CELF2: variants seen among roughly 807,000 people sequenced by gnomAD.
The protein encoded by CELF2 is CUG triplet repeat RNA-binding protein 2.
Under a neutral mutation model 62.6 loss-of-function variants are expected in CELF2, and 8 were observed. That is an observed-to-expected ratio of 0.13 (90% CI 0.07 to 0.23). The LOEUF is 0.23. Ranked by LOEUF, CELF2 falls within the 10% of genes least tolerant of loss-of-function variation. CELF2 has a pLI of 1.00. For missense variants in CELF2, 333 were observed against 671.0 expected (o/e 0.50, Z 5.56); for synonymous variants, 258 against 250.0 (o/e 1.03, Z -0.30).
the CELF2 span, among the ~76,000 whole-genome samples, chr10:10,516,888 T>A: frequency 6.6e-6 from 1 of 152,196 alleles, no homozygotes; most frequent in Admixed American, 6.5e-5. Flanking sequence ...GCTGTCTTCA[T>A]TCCCCATGGA....
At chr10:10,980,238 T>A (rs376460899) in intron 2 of CELF2, among the ~76,000 whole-genome samples, 2 of 152,374 alleles carry the variant, frequency 1.3e-5, no homozygotes, top group South Asian at 2.1e-4. Context: ...TCCGCATCTC[T>A]GCTGGTGCTC....
At chr10:11,201,553 T>G (rs925240602) in intron 2 of CELF2, among the ~76,000 whole-genome samples, 29 of 152,246 alleles carry the variant, frequency 1.9e-4, no homozygotes, top group African/African-American at 7.0e-4. Flanking sequence ...TGTATTTCTT[T>G]AGGAAGCCTT....
chr10:10,757,299 A>C, the CELF2 span, among the ~76,000 whole-genome samples: 1 of 151,654 alleles, frequency 6.6e-6, no homozygotes, highest in African/African-American at 2.4e-5. Context: ...CTCTACAAAA[A>C]AATAAAATAA....
In CELF2 at chr10:11,329,197, C is replaced by A; in HGVS notation, c.*144C>A. ...ACGGTTATTTTTACAATAAGGCCTC[C>A]ATGTCCCCACCCACTTCCCCTACCC... On this transcript the variant is annotated 3_prime_UTR_variant, in exon 13 of 13. Coordinates refer to ENST00000633077, the MANE Select transcript of CELF2 (RefSeq NM_001326342.2). The surrounding 1 kb of genome is among the most constrained non-coding windows in gnomAD (Gnocchi z 5.5). The A allele has an allele frequency of 1.3e-6, 1 of 770,236 alleles. No individual in the cohort carries two copies. Among genetic ancestry groups the A allele is most frequent in the Non-Finnish European group, 2.0e-6 (1 of 511,096 alleles). The allele number at this position is 770,236 out of a possible 1,614,324, so 47.7% of individuals were successfully genotyped here.
the CELF2 span, among the ~76,000 whole-genome samples, chr10:10,590,322 A>G: frequency 2.6e-5 from 4 of 152,224 alleles, no homozygotes; most frequent in Admixed American, 2.0e-4. Context: ...CCTCTATTTT[A>G]GCCATTATTT....
At chr10:10,912,675 C>A (rs1023132856) in intron 1 of CELF2, among the ~76,000 whole-genome samples, 1 of 152,094 alleles carries the variant, frequency 6.6e-6, no homozygotes, top group South Asian at 2.1e-4. Flanking sequence ...GCCAACGGGG[C>A]TTTTTTTGTT....
chr10:10,603,026 G>A, the CELF2 span, among the ~76,000 whole-genome samples: 4 of 152,184 alleles, frequency 2.6e-5, no homozygotes, highest in South Asian at 8.3e-4. Flanking sequence ...GAAACATTTT[G>A]GATTTCATTT....
chr10:11,144,159 G>T (rs1364746723), intron 1 of CELF2, among the ~76,000 whole-genome samples: 2 of 152,030 alleles, frequency 1.3e-5, no homozygotes, highest in African/African-American at 2.4e-5. Context: ...AATTGCCTTC[G>T]GAAGACATTT....
the CELF2 span, among the ~76,000 whole-genome samples, chr10:10,651,771 A>G: frequency 6.6e-5 from 10 of 151,304 alleles, no homozygotes; most frequent in Non-Finnish European, 8.8e-5. Context: ...AAGATGGGGA[A>G]AAAAAAAGCA....
intron 2 of CELF2, among the ~76,000 whole-genome samples, chr10:11,171,572 C>G (rs2133644000): frequency 6.6e-6 from 1 of 152,316 alleles, no homozygotes; most frequent in Non-Finnish European, 1.5e-5. Context: ...CAAAGACTAA[C>G]TTTACTTATT....
intron 1 of CELF2, among the ~76,000 whole-genome samples, chr10:11,138,295 C>A (rs1399327055): frequency 6.6e-6 from 1 of 152,112 alleles, no homozygotes; most frequent in African/African-American, 2.4e-5. Flanking sequence ...TAAACTGAGA[C>A]ACGTAAATGG....
rs1181919889 is a variant in CELF2, at chr10:10,995,565, TGA to T, written c.89+75571_89+75572del. 6.6e-6 allele frequency among the ~76,000 whole-genome samples: 1 copy of T among 152,212 alleles called. No individual in the cohort carries two copies. The highest frequency in any genetic ancestry group is 1.5e-5 in the Non-Finnish European group (1 of 68,034). Reference sequence around the variant, plus strand: ...TTCAGGTGTGCCAGGTGAGAATACCTGAGAGATGAGTTGGAGACATAGGTGGA... The same window carrying T: ...TTCAGGTGTGCCAGGTGAGAATACCTGAGATGAGTTGGAGACATAGGTGGA... On this transcript the variant is annotated intron_variant, in intron 2 of 13. Transcript: ENST00000636488. The surrounding 1 kb of genome is among the most constrained non-coding windows in gnomAD (Gnocchi z 4.7).
At chr10:10,505,231 T>C in the CELF2 span, among the ~76,000 whole-genome samples, 1 of 152,196 alleles carries the variant, frequency 6.6e-6, no homozygotes, top group Non-Finnish European at 1.5e-5. Context: ...TGGAGGGTAC[T>C]GCCTCATTAA....
At chr10:11,133,634 A>G (rs1416077978) in intron 1 of CELF2, among the ~76,000 whole-genome samples, 2 of 152,240 alleles carry the variant, frequency 1.3e-5, no homozygotes, top group Non-Finnish European at 2.9e-5. Context: ...GATACATATA[A>G]TCTCATTTAA....
At chr10:10,657,235 G>T in the CELF2 span, among the ~76,000 whole-genome samples, 1 of 152,130 alleles carries the variant, frequency 6.6e-6, no homozygotes, top group Non-Finnish European at 1.5e-5. Context: ...GTAGATGAGT[G>T]ACTGGTAGCT....
chr10:10,650,507 C>T, the CELF2 span, among the ~76,000 whole-genome samples: 8 of 151,230 alleles, frequency 5.3e-5, no homozygotes, highest in Non-Finnish European at 1.2e-4. Flanking sequence ...TAAAAGTACA[C>T]ATCTTGAATT....
intron 1 of CELF2, among the ~76,000 whole-genome samples, chr10:11,059,083 T>C (rs1244464873): frequency 6.6e-6 from 1 of 152,190 alleles, no homozygotes; most frequent in East Asian, 1.9e-4. Flanking sequence ...GCGTCTGTCC[T>C]TCTATTTTAT....
intron 4 of CELF2, among the ~76,000 whole-genome samples, chr10:11,254,155 T>C (rs1261668241): frequency 6.6e-6 from 1 of 152,218 alleles, no homozygotes; most frequent in African/African-American, 2.4e-5. Flanking sequence ...TTAGGGACCC[T>C]CAGAATGGGA....
intron 1 of CELF2, among the ~76,000 whole-genome samples, chr10:10,851,645 A>G (rs2059390124): frequency 6.6e-6 from 1 of 152,220 alleles, no homozygotes; most frequent in African/African-American, 2.4e-5. Flanking sequence ...GACATCATTA[A>G]AAGAATGAAA....
Sources: gnomAD v4.1 joint callset for allele counts (sites outside exome capture counted in the v4.1 genomes callset) on GRCh38, gnomAD v4.1.1 for gene constraint, Gnocchi (gnomAD v3.1) non-coding constraint, MANE v1.5 for transcripts, NCBI Gene and HGNC (gene_info 2026-07-23, HGNC 2026-07-21) for gene names.